CDH12: variants seen among roughly 807,000 people sequenced by gnomAD.
CDH12 encodes cadherin 12.
Under a neutral mutation model 74.1 loss-of-function variants are expected in CDH12, and 41 were observed. That is an observed-to-expected ratio of 0.55 (90% CI 0.43 to 0.72). CDH12 has a LOEUF of 0.72. Among genes scored for constraint, CDH12 ranks in the 30% least tolerant of loss-of-function variants. The pLI, the probability that CDH12 is intolerant of heterozygous loss-of-function variation, is 0.00. For synonymous variants in CDH12, 399 were observed against 355.0 expected, an observed-to-expected ratio of 1.12 and a Z score of -1.39; for missense variants, 945 against 977.2, an observed-to-expected ratio of 0.97 and a Z score of 0.44.
chr5:22,810,700 G>A (rs2126446437), intron 1 of CDH12, among the ~76,000 whole-genome samples: 1 of 152,140 alleles, frequency 6.6e-6, no homozygotes, highest in East Asian at 1.9e-4. Flanking sequence ...AACATACTGA[G>A]ACTCCATCTC....
At chr5:21,883,220 A>C (rs1046725038) in intron 6 of CDH12, 15 of 1,366,756 alleles carry the variant, frequency 1.1e-5, no homozygotes, top group Non-Finnish European at 1.6e-5. Context: ...TGAATGATGA[A>C]TTAGAAATTA....
intron 1 of CDH12, among the ~76,000 whole-genome samples, chr5:22,677,628 T>A (rs578059636): frequency 6.6e-6 from 1 of 152,074 alleles, no homozygotes; most frequent in East Asian, 1.9e-4. Context: ...GGCACTAGGA[T>A]AGAGACTGGA....
chr5:21,931,723 C>T (rs919557249), intron 6 of CDH12, among the ~76,000 whole-genome samples: 4 of 152,158 alleles, frequency 2.6e-5, no homozygotes, highest in East Asian at 3.8e-4. Context: ...AAATAGACTG[C>T]ACTTTAGTCT....
chr5:22,135,161 T>A (rs1259403110), intron 4 of CDH12, among the ~76,000 whole-genome samples: 1 of 148,844 alleles, frequency 6.7e-6, no homozygotes, highest in Non-Finnish European at 1.5e-5. Flanking sequence ...GCTGTGAGAC[T>A]GTTTAACGAA....
chr5:22,074,597 G>T (rs1160248931), intron 5 of CDH12, among the ~76,000 whole-genome samples: 1 of 152,094 alleles, frequency 6.6e-6, no homozygotes, highest in African/African-American at 2.4e-5. Context: ...AATCTACAAT[G>T]AACTCAAACA....
intron 6 of CDH12, among the ~76,000 whole-genome samples, chr5:21,941,199 T>C (rs968825366): frequency 2.0e-5 from 3 of 152,162 alleles, no homozygotes; most frequent in Non-Finnish European, 4.4e-5. Flanking sequence ...AAATTTGACA[T>C]TGGCTGACTC....
chr5:22,784,628 A>G (rs1234052299), intron 1 of CDH12, among the ~76,000 whole-genome samples: 1 of 152,134 alleles, frequency 6.6e-6, no homozygotes, highest in African/African-American at 2.4e-5. Flanking sequence ...TCAATCTACC[A>G]GTTCATCCTA....
At chr5:22,211,409 T>A (rs926897803) in intron 4 of CDH12, among the ~76,000 whole-genome samples, 3 of 152,202 alleles carry the variant, frequency 2.0e-5, no homozygotes, top group African/African-American at 7.2e-5. Flanking sequence ...AGGTAAGTGA[T>A]TGCTATTCTT....
chr5:21,773,788 A>G (rs533114658), intron 11 of CDH12, among the ~76,000 whole-genome samples: 1 of 152,288 alleles, frequency 6.6e-6, no homozygotes, highest in South Asian at 2.1e-4. Flanking sequence ...ACATGTATAC[A>G]GTTGTACTAA....
At chr5:22,674,450 T>A (rs1245084112) in intron 1 of CDH12, among the ~76,000 whole-genome samples, 1 of 152,254 alleles carries the variant, frequency 6.6e-6, no homozygotes, top group African/African-American at 2.4e-5. Flanking sequence ...ACCTCTTTCT[T>A]TTGTAAATTG....
intron 1 of CDH12, among the ~76,000 whole-genome samples, chr5:22,515,851 T>C (rs1221486083): frequency 1.3e-5 from 2 of 152,060 alleles, no homozygotes; most frequent in Non-Finnish European, 2.9e-5. Context: ...GTAGAAAATG[T>C]TAGAAAAGTA....
In CDH12 at chr5:21,755,648, C is replaced by T. The variant is rs1744347087; in HGVS notation, c.1828G>A (p.Val610Ile). 6.2e-7 allele frequency: 1 copy of T among 1,613,900 alleles called. No individual in the cohort carries two copies. The highest frequency in any genetic ancestry group is 8.5e-7 in the Non-Finnish European group (1 of 1,179,942). The change falls in exon 14 of 15, where the codon GTA becomes ATA. Residue 610 changes from valine to isoleucine, a missense_variant. Transcript: ENST00000382254. ...ATCAACGCCCCAGTGCTAAGTCCTA[C>T]AGGTAGAAAAATTGCTTCCACATTA... ...SCNVEAIFLP[V>I]GLSTGALIAI...
At chr5:22,164,543 C>T (rs1455302603) in intron 4 of CDH12, among the ~76,000 whole-genome samples, 1 of 152,156 alleles carries the variant, frequency 6.6e-6, no homozygotes, top group Non-Finnish European at 1.5e-5. Context: ...GTAATAAACA[C>T]GGACCAGAAG....
chr5:21,983,413 C>T (rs1243053846), intron 5 of CDH12, among the ~76,000 whole-genome samples: 1 of 151,992 alleles, frequency 6.6e-6, no homozygotes, highest in Admixed American at 6.6e-5. Context: ...TTATTTTCAT[C>T]TTCTCTTTCT....
At chr5:22,042,074 T>C (rs980631428) in intron 5 of CDH12, among the ~76,000 whole-genome samples, 40 of 151,454 alleles carry the variant, frequency 2.6e-4, no homozygotes, top group Non-Finnish European at 7.4e-5. Flanking sequence ...CATAAATAAA[T>C]TAAAAGTGAA....
At chr5:21,775,903 G>A (rs182325490) in intron 11 of CDH12, among the ~76,000 whole-genome samples, 2 of 152,076 alleles carry the variant, frequency 1.3e-5, no homozygotes, top group East Asian at 3.9e-4. Context: ...ATTGCCAAGA[G>A]CCCATATGGT....
chr5:22,374,333 A>G (rs1261376), intron 3 of CDH12, among the ~76,000 whole-genome samples: 51,544 of 152,006 alleles, frequency 0.34, 10,236 homozygotes, highest in Admixed American at 0.46. Flanking sequence ...ACTGGCCATA[A>G]CAAACACACA....
At chr5:22,586,469 C>T (rs1055607881) in intron 1 of CDH12, among the ~76,000 whole-genome samples, 1 of 144,942 alleles carries the variant, frequency 6.9e-6, no homozygotes, top group Admixed American at 7.3e-5. Flanking sequence ...CACATGTACC[C>T]TAGAACTTAA....
At chr5:22,734,898 T>C (rs1744608429) in intron 1 of CDH12, among the ~76,000 whole-genome samples, 1 of 151,902 alleles carries the variant, frequency 6.6e-6, no homozygotes, top group Non-Finnish European at 1.5e-5. Context: ...AATAAGACAA[T>C]GAGTGCAGAT....
Sources: gnomAD v4.1 joint callset for allele counts (sites outside exome capture counted in the v4.1 genomes callset) on GRCh38, gnomAD v4.1.1 for gene constraint, MANE v1.5 for transcripts, NCBI Gene and HGNC (gene_info 2026-07-23, HGNC 2026-07-21) for gene names.